Variants in CACNA1H observed in about 807,000 individuals in gnomAD.
CACNA1H encodes the protein voltage-dependent T-type calcium channel subunit alpha-1H.
CACNA1H carries 149 observed loss-of-function variants against 192.5 expected under a neutral mutation model. That is an observed-to-expected ratio of 0.77 (90% confidence interval 0.68 to 0.89). The LOEUF is 0.89. CACNA1H is among the 40% of genes least tolerant of loss of function. CACNA1H has a pLI of 0.00. For synonymous variants in CACNA1H, 2,202 were observed against 1,475.2 expected (o/e 1.49, Z -11.29); for missense variants, 4,257 against 3,423.5 (o/e 1.24, Z -6.08).
chr16:1,157,493 G>A (rs963253545), intron 2 of CACNA1H, among the ~76,000 whole-genome samples: 4 of 152,248 alleles, frequency 2.6e-5, no homozygotes, highest in Admixed American at 6.5e-5. Flanking sequence ...AACACTCGGC[G>A]CTGGGGCTGT....
chr16:1,155,586 G>A (rs1229397081), intron 2 of CACNA1H, among the ~76,000 whole-genome samples: 2 of 152,158 alleles, frequency 1.3e-5, no homozygotes, highest in Admixed American at 6.5e-5. Context: ...CCGGAGAAGG[G>A]AAAGAGTTGA....
intron 26 of CACNA1H, 39 bp downstream of exon 26, chr16:1,212,567 G>C: frequency 1.3e-6 from 2 of 1,598,558 alleles, no homozygotes; most frequent in East Asian, 2.3e-5. Flanking sequence ...CCCCGCTTCT[G>C]CGGCCGCTGC....
Position 1,216,940 on chromosome 16 carries a change from C to G in CACNA1H, c.5253C>G (p.Asn1751Lys). Residue 1751 changes from asparagine (N) to lysine (K), a missense_variant, in exon 31 of 35, where the codon AAC becomes AAG. Physicochemically the swap from Asn to Lys is moderately conservative, Grantham distance 94 (BLOSUM62 0). Transcript: ENST00000348261. ...TVVQALPQVG[N>K]LGLLFMLLFF... is the part of the protein sequence containing the mutation. ...GCTTCTCTCTTGTGTAGGTGGGGAA[C>G]CTGGGCCTTCTTTTCATGCTCCTGT... 2 of 1,602,760 alleles carry G rather than the reference C, an allele frequency of 1.2e-6. No individual in the cohort carries two copies. Among genetic ancestry groups the G allele is most frequent in the Non-Finnish European group, 1.7e-6 (2 of 1,174,770 alleles).
chr16:1,154,004 G>A lies in CACNA1H; in HGVS notation c.267G>A (p.Pro89=). ...TCTGCCTCGGTCAGACCACGCGGCC[G>A]CGCAGCTGGTGCCTCCGGCTGGTCT... ...VFFCLGQTTR[P]RSWCLRLVCN... Residue 89 remains proline (P), a synonymous_variant, in exon 2 of 35, where the codon CCG becomes CCA. Transcript: ENST00000348261. The A allele has an allele frequency of 7.3e-7, 1 of 1,377,910 alleles. No individual in the cohort carries two copies. The highest frequency in any genetic ancestry group is 9.5e-7 in the Non-Finnish European group (1 of 1,057,694). 85.4% of individuals were successfully genotyped at this position (1,377,910 alleles called of 1,614,324 possible).
chr16:1,172,011 G>A (rs1185693336), intron 2 of CACNA1H, among the ~76,000 whole-genome samples: 2 of 152,246 alleles, frequency 1.3e-5, no homozygotes, highest in African/African-American at 2.4e-5. Flanking sequence ...GCCAGGTGCT[G>A]TGGAGTCCGA....
Position 1,207,084 on chromosome 16 carries a change from A to G in CACNA1H, c.2873A>G (p.Asp958Gly). The change falls in exon 13 of 35, where the codon GAC (aspartate) becomes GGC (glycine). Residue 958 changes from aspartate (D) to glycine (G), a missense_variant. Asp to Gly is a moderately conservative substitution (Grantham distance 94). Coordinates refer to ENST00000348261, the MANE Select transcript of CACNA1H (RefSeq NM_021098.3). ...GDTVPDRKNFDSLLWAIVTVF... is the reference protein window; with the variant it reads ...GDTVPDRKNFGSLLWAIVTVF... ...ACCGTGCCTGACAGGAAGAACTTCG[A>G]CTCCCTGCTGTGGGCCATCGTCACC... The G allele has an allele frequency of 6.2e-7, 1 of 1,600,100 alleles. No homozygotes were observed. The highest frequency in any genetic ancestry group is 8.5e-7 in the Non-Finnish European group (1 of 1,173,418).
intron 2 of CACNA1H, among the ~76,000 whole-genome samples, chr16:1,181,668 T>C (rs1567468004): frequency 6.6e-6 from 1 of 152,334 alleles, no homozygotes; most frequent in East Asian, 1.9e-4. Context: ...GCTTTTAAAA[T>C]TGTGCGCAGT....
intron 3 of CACNA1H, among the ~76,000 whole-genome samples, 161 bp from the exon 4 acceptor site, chr16:1,195,271 G>A (rs571286336): frequency 7.5e-4 from 99 of 132,098 alleles, no homozygotes; most frequent in African/African-American, 2.6e-3. Context: ...GAGAGGCGAG[G>A]TTCAAGGCGA....
intron 2 of CACNA1H, among the ~76,000 whole-genome samples, chr16:1,193,238 C>G (rs1021678455): frequency 1.3e-5 from 2 of 152,252 alleles, no homozygotes; most frequent in Non-Finnish European, 2.9e-5. Context: ...CAGTCCCCAG[C>G]CACCCCCGCA....
At chr16:1,210,732 G>A (rs1354267097) in intron 20 of CACNA1H, 55 bp from the exon 21 acceptor site, 3 of 1,559,268 alleles carry the variant, frequency 1.9e-6, no homozygotes, top group African/African-American at 2.7e-5. Context: ...CAGCGCGCCA[G>A]CTCCCCAGAC....
intron 19 of CACNA1H, 43 bp from the exon 20 acceptor site, chr16:1,210,540 A>G (rs201444424): frequency 1.9e-6 from 3 of 1,610,384 alleles, no homozygotes; most frequent in Non-Finnish European, 2.5e-6. Flanking sequence ...ACCCCCAGGG[A>G]GGGGTGGAGT....
At chr16:1,203,739 C>T (rs181132673) in intron 9 of CACNA1H, among the ~76,000 whole-genome samples, 2 of 152,326 alleles carry the variant, frequency 1.3e-5, no homozygotes, top group East Asian at 3.9e-4. Context: ...GTCTCTCTGT[C>T]TTCACATGGC....
intron 2 of CACNA1H, among the ~76,000 whole-genome samples, chr16:1,162,751 C>T (rs1449151811): frequency 2.0e-5 from 3 of 152,044 alleles, no homozygotes; most frequent in Non-Finnish European, 4.4e-5. Flanking sequence ...GAGACCCGGG[C>T]CCCACTGACG....
At chr16:1,198,810 G>GATGGCCCTGCCCAC in intron 6 of CACNA1H, 36 bp downstream of exon 6, 1 of 1,579,716 alleles carries the variant, frequency 6.3e-7, no homozygotes, top group Non-Finnish European at 8.6e-7. Context: ...CCCCTGCCCA[G>GATGGCCCTGCCCAC]ATGGCCCTGC....
At position 1,204,228 on chromosome 16, in the gene CACNA1H, G is replaced by C. The variant is rs761661827; in HGVS notation, c.2221G>C (p.Asp741His). The change falls in exon 10 of 35, where the codon GAC (aspartate) becomes CAC (histidine). Residue 741 changes from aspartate (D) to histidine (H), a missense_variant. Coordinates refer to ENST00000348261, the MANE Select transcript of CACNA1H (RefSeq NM_021098.3). ...TQDVRHGDRW[D>H]PTRPPRATDT... is the part of the protein sequence containing the mutation. ...GGACGTCCGGCACGGTGACCGCTGG[G>C]ACCCCACGCGACCACCCCGTGCGAC... The C allele has an allele frequency of 1.2e-6, 2 of 1,611,150 alleles. No individual in the cohort carries two copies. Among genetic ancestry groups the C allele is most frequent in the Admixed American group, 3.3e-5 (2 of 59,852 alleles).
At chr16:1,218,141 G>A in intron 32 of CACNA1H, 69 bp from the exon 33 acceptor site, 1 of 1,533,120 alleles carries the variant, frequency 6.5e-7, no homozygotes, top group South Asian at 1.2e-5. Flanking sequence ...AGGGGGAAGG[G>A]GACGGCACTG....
chr16:1,209,024 C>T lies in CACNA1H; in HGVS notation c.3364-8C>T, dbSNP rs1378388929. 5 of 1,487,292 alleles carry T rather than the reference C, an allele frequency of 3.4e-6. No homozygotes were observed. In the Admixed American group the frequency reaches 9.4e-5, roughly 28 times the overall value. The allele number at this position is 1,487,292 out of a possible 1,614,324, so 92.1% of individuals were successfully genotyped here. On this transcript the variant is annotated splice_region_variant and splice_polypyrimidine_tract_variant and intron_variant, in intron 16 of 34. Transcript: ENST00000348261. ...GCCACCAGGTCACTGACTCCCGCCA[C>T]CCCCCAGGCCAGCCTCCGAAGTTCT...
chr16:1,214,997 G>A lies in CACNA1H; in HGVS notation c.4955G>A (p.Cys1652Tyr). The part of the protein sequence containing the change: ...PKSLDEALKY[C>Y]NYVFTIVFVF... The stretch of plus-strand genomic sequence containing the variant: ...TCGCTGGACGAGGCCCTCAAGTACT[G>A]CAACTACGTCTTCACCATCGTGTTT... The change falls in exon 28 of 35, where the codon TGC (cysteine) becomes TAC (tyrosine). Residue 1652 changes from cysteine to tyrosine, a missense_variant. Cys to Tyr is a radical substitution (Grantham distance 194). Transcript: ENST00000348261. 1 of 1,611,764 alleles carries A rather than the reference G, an allele frequency of 6.2e-7. No homozygotes were observed.
intron 6 of CACNA1H, among the ~76,000 whole-genome samples, chr16:1,199,664 A>G (rs1245842456): frequency 7.2e-6 from 1 of 139,662 alleles, no homozygotes; most frequent in South Asian, 2.4e-4. Flanking sequence ...GGGTCCCCTC[A>G]ACCCTCACCC....
Sources: allele counts gnomAD v4.1 joint callset (sites outside exome capture counted in the v4.1 genomes callset), GRCh38; gene constraint gnomAD v4.1.1; transcripts MANE v1.5; gene names NCBI Gene and HGNC (gene_info 2026-07-23, HGNC 2026-07-21).